Variants in ZFC3H1 observed in about 807,000 individuals in gnomAD.
The protein encoded by ZFC3H1 is zinc finger C3H1-type containing, also known as zinc finger C3H1 domain-containing protein.
A neutral mutation model predicts 243.7 loss-of-function variants in ZFC3H1; 71 were observed. That is an observed-to-expected ratio of 0.29 (90% CI 0.24 to 0.36). The LOEUF is 0.36. Among genes scored for constraint, ZFC3H1 ranks in the 10% least tolerant of loss-of-function variants. The pLI, the probability that ZFC3H1 is intolerant of heterozygous loss-of-function variation, is 1.00. For synonymous variants in ZFC3H1, 838 were observed against 813.0 expected (o/e 1.03, Z -0.52); for missense variants, 1,966 against 2,317.1 (o/e 0.85, Z 3.11).
chr12:71,662,749 T>C (rs746150676), intron 1 of ZFC3H1, among the ~76,000 whole-genome samples: 16 of 152,198 alleles, frequency 1.1e-4, no homozygotes, highest in Non-Finnish European at 2.1e-4. Flanking sequence ...TTCTAAGGTA[T>C]TATTACAAAT....
chr12:71,612,588 C>T (rs1365620192), intron 31 of ZFC3H1, among the ~76,000 whole-genome samples: 1 of 152,004 alleles, frequency 6.6e-6, no homozygotes, highest in South Asian at 2.1e-4. Flanking sequence ...AACTTTTATA[C>T]GATTTTCCCC....
rs185374262 is a variant in ZFC3H1 at position 71,630,213 on chromosome 12, A to G, written c.3724+387T>C. 4.1e-4 allele frequency among the ~76,000 whole-genome samples: 62 copies of G among 152,304 alleles called. No individual in the cohort carries two copies. In the East Asian group the frequency reaches 0.011, roughly 28 times the overall value. On this transcript the variant is annotated intron_variant, in intron 18 of 34. Transcript: ENST00000378743. ...AGCCTTCCTCTATTTTTTGAAAACAATAAGTAAAAATAGGCTCCTATGTTA... is the reference window on the plus strand; with the variant it reads ...AGCCTTCCTCTATTTTTTGAAAACAGTAAGTAAAAATAGGCTCCTATGTTA...
At chr12:71,651,887 G>A (rs1880894658) in intron 2 of ZFC3H1, among the ~76,000 whole-genome samples, 1 of 152,164 alleles carries the variant, frequency 6.6e-6, no homozygotes, top group Admixed American at 6.5e-5. Context: ...AGGAGAACAA[G>A]TTAAAACAAA....
chr12:71,640,723 A>G (rs1036551158), intron 6 of ZFC3H1, among the ~76,000 whole-genome samples: 1 of 152,216 alleles, frequency 6.6e-6, no homozygotes, highest in Admixed American at 6.5e-5. Flanking sequence ...GGACCACCCC[A>G]TCATTTTAGT....
intron 1 of ZFC3H1, among the ~76,000 whole-genome samples, chr12:71,659,120 C>A (rs1431467021): frequency 6.6e-6 from 1 of 152,122 alleles, no homozygotes; most frequent in Non-Finnish European, 1.5e-5. Flanking sequence ...TCAGGGAGCA[C>A]TACTTAGCCT....
Position 71,647,791 on chromosome 12 carries a change from A to G in ZFC3H1, c.1038T>C (p.Asn346=), listed in dbSNP as rs758286802. The G allele has an allele frequency of 2.4e-5, 35 of 1,445,770 alleles. No individual in the cohort carries two copies. The highest frequency in any genetic ancestry group is 3.1e-5 in the Non-Finnish European group (33 of 1,058,126). 89.6% of individuals were successfully genotyped at this position (1,445,770 alleles called of 1,614,324 possible). The change falls in exon 3 of 35, where the codon AAT becomes AAC. Residue 346 remains asparagine, a synonymous_variant. Coordinates refer to ENST00000378743, the MANE Select transcript of ZFC3H1 (RefSeq NM_144982.5). ...SSQGLQDKEQ[N]LTRRISTSDI... is the part of the protein sequence containing the mutation. Reference sequence around the variant, plus strand: ...CTGAGGTACTAATTCTTCTTGTTAAATTTTGTTCTTTATCTTGTAATCCTT... The same window carrying G: ...CTGAGGTACTAATTCTTCTTGTTAAGTTTTGTTCTTTATCTTGTAATCCTT...
At chr12:71,648,466 C>CT (rs1465320224) in intron 2 of ZFC3H1, among the ~76,000 whole-genome samples, 1 of 152,148 alleles carries the variant, frequency 6.6e-6, no homozygotes, top group Non-Finnish European at 1.5e-5. Context: ...TGTTGAGATA[C>CT]TTTTGTAGCT....
chr12:71,614,734 C>A, intron 29 of ZFC3H1, 34 bp from the exon 30 acceptor site: 1 of 1,595,916 alleles, frequency 6.3e-7, no homozygotes, highest in Non-Finnish European at 8.5e-7. Flanking sequence ...TTTAGAATAA[C>A]TAAGACAGTA....
Position 71,657,236 on chromosome 12 carries a change from C to T in ZFC3H1, c.664G>A (p.Glu222Lys). The change falls in exon 2 of 35, where the codon GAA becomes AAA. Residue 222 changes from glutamate (E) to lysine (K), a missense_variant. This residue lies in a region of ZFC3H1 where 484 missense variants were observed against 449.7 expected (regional missense o/e 1.08). Coordinates refer to ENST00000378743, the MANE Select transcript of ZFC3H1 (RefSeq NM_144982.5). ...AAAAGCAAATCTTCAAAAGTTTCTT[C>T]CACACAGTTTTCATTTTTTGATGAA... is the stretch of plus-strand genomic sequence containing the variant. ...NYSSKNENCV[E>K]ETFEDLLLKY... 1.3e-6 allele frequency: 2 copies of T among 1,597,992 alleles called. No homozygotes were observed. Among genetic ancestry groups the T allele is most frequent in the East Asian group, 2.2e-5 (1 of 44,590 alleles).
At chr12:71,614,424 G>A in intron 30 of ZFC3H1, 111 bp downstream of exon 30, 1 of 1,009,602 alleles carries the variant, frequency 9.9e-7, no homozygotes, top group Non-Finnish European at 1.4e-6. Flanking sequence ...TGAATGTTAA[G>A]AAAGTAGTCC....
chr12:71,615,672 C>A (rs1879877629), intron 27 of ZFC3H1, among the ~76,000 whole-genome samples: 1 of 152,010 alleles, frequency 6.6e-6, no homozygotes, highest in African/African-American at 2.4e-5. Context: ...CATGCATCAC[C>A]ACACCCAGCT....
At chr12:71,614,349 T>C (rs2137513749) in intron 30 of ZFC3H1, among the ~76,000 whole-genome samples, 186 bp downstream of exon 30, 1 of 152,310 alleles carries the variant, frequency 6.6e-6, no homozygotes, top group South Asian at 2.1e-4. Flanking sequence ...ATTTTAATTG[T>C]GCCTTAAAGG....
chr12:71,634,282 T>G lies in ZFC3H1; in HGVS notation c.2383A>C (p.Lys795Gln). 1 of 1,613,606 alleles carries G rather than the reference T, an allele frequency of 6.2e-7. No individual in the cohort carries two copies. Among genetic ancestry groups the G allele is most frequent in the Non-Finnish European group, 8.5e-7 (1 of 1,179,846 alleles). ...IANREKQRLI[K>Q]SDQLKTSSSS... ...GAACTTGTCTTCAGCTGATCTGATT[T>G]AATCAAACGCTGTTTCTCACGGCTA... is the stretch of plus-strand genomic sequence containing the variant. Residue 795 changes from lysine to glutamine, a missense_variant, in exon 12 of 35, where the codon AAA becomes CAA. Physicochemically the swap from Lys to Gln is moderately conservative, Grantham distance 53. Transcript: ENST00000378743.
intron 31 of ZFC3H1, among the ~76,000 whole-genome samples, chr12:71,612,915 T>C (rs1414983638): frequency 6.6e-6 from 1 of 152,206 alleles, no homozygotes; most frequent in Admixed American, 6.6e-5. Context: ...GTCAGGAATC[T>C]ACATTTTAAA....
chr12:71,620,413 G>A, intron 24 of ZFC3H1, 98 bp from the exon 25 acceptor site: 2 of 1,222,674 alleles, frequency 1.6e-6, no homozygotes, highest in Non-Finnish European at 2.4e-6. Flanking sequence ...GGGAAAAGAT[G>A]ACCCCTCCCT....
chr12:71,634,945 G>T, intron 10 of ZFC3H1, 120 bp from the exon 11 acceptor site: 2 of 1,161,016 alleles, frequency 1.7e-6, no homozygotes, highest in Middle Eastern at 2.8e-4. Flanking sequence ...ATACCTGAAT[G>T]TCATCATTTT....
chr12:71,646,007 C>T (rs549188152), intron 3 of ZFC3H1, among the ~76,000 whole-genome samples: 1 of 152,086 alleles, frequency 6.6e-6, no homozygotes, highest in Non-Finnish European at 1.5e-5. Flanking sequence ...AAAAAAGATT[C>T]CAAAAGATTA....
At position 71,632,380 on chromosome 12, in the gene ZFC3H1, T is replaced by C. The variant is rs34775036; in HGVS notation, c.2952A>G (p.Lys984=). Residue 984 remains lysine, a synonymous_variant, in exon 15 of 35, where the codon AAA becomes AAG. Transcript: ENST00000378743. ...YEYALKIQKL[K]EARALKAKEQ... ...CCTTTGCTTTAAGGGCACGGGCTTC[T>C]TTTAATTTTTGAATTTTCAGGGCAT... The C allele has an allele frequency of 0.012, 19,338 of 1,613,472 alleles. 132 individuals are homozygous for C. Among genetic ancestry groups the C allele is most frequent in the Non-Finnish European group, 0.014 (16,895 of 1,179,864 alleles).
chr12:71,630,374 C>T (rs1274015305), intron 18 of ZFC3H1, among the ~76,000 whole-genome samples: 2 of 152,172 alleles, frequency 1.3e-5, no homozygotes, highest in Non-Finnish European at 2.9e-5. Context: ...GTCCTACTGG[C>T]ATGCACTTGC....
Sources: gnomAD v4.1 joint callset for allele counts (sites outside exome capture counted in the v4.1 genomes callset) on GRCh38, gnomAD v4.1.1 for gene constraint, gnomAD v4.1.1 regional missense constraint, MANE v1.5 for transcripts, NCBI Gene and HGNC (gene_info 2026-07-23, HGNC 2026-07-21) for gene names.